Variants in ERBB4 observed in about 807,000 individuals in gnomAD.
ERBB4 encodes the protein receptor tyrosine-protein kinase erbB-4.
In ERBB4, 42 loss-of-function variants were observed where a neutral mutation model predicts 158.0. The ratio of observed to expected loss-of-function variants is 0.27; its 90% confidence interval spans 0.21 to 0.34. ERBB4 has a LOEUF of 0.34. ERBB4 is among the 10% of genes least tolerant of loss of function. The pLI is 1.00. For missense variants in ERBB4, 1,333 were observed against 1,624.1 expected (o/e 0.82, Z 3.08); for synonymous variants, 583 against 558.7 (o/e 1.04, Z -0.61).
Position 211,905,434 on chromosome 2 carries a change from C to T in ERBB4, c.421+41996G>A, listed in dbSNP as rs563562275. The stretch of plus-strand genomic sequence containing the variant: ...CAATTTCATCTGCAACTTTAATTCC[C>T]TTTTGCCATGTAACCTAACACAGGT... On this transcript the variant is annotated intron_variant, in intron 3 of 27. Transcript: ENST00000342788. 6.6e-5 allele frequency among the ~76,000 whole-genome samples: 10 copies of T among 151,570 alleles called. No homozygotes were observed. The East Asian group carries it at 2.0e-3, about 30-fold the overall frequency.
At chr2:211,536,436 T>C (rs1207850436) in intron 20 of ERBB4, among the ~76,000 whole-genome samples, 2 of 151,996 alleles carry the variant, frequency 1.3e-5, no homozygotes, top group Admixed American at 1.3e-4. Context: ...GGCTTCCCAT[T>C]GGGGAAGAGG....
At chr2:212,259,092 G>A (rs976384481) in intron 1 of ERBB4, among the ~76,000 whole-genome samples, 11 of 152,086 alleles carry the variant, frequency 7.2e-5, no homozygotes, top group Admixed American at 6.5e-5. Context: ...AAATTTTTTT[G>A]ACAAAATATT....
chr2:212,417,392 CA>C (rs1404549505), intron 1 of ERBB4, among the ~76,000 whole-genome samples: 1 of 151,842 alleles, frequency 6.6e-6, no homozygotes, highest in African/African-American at 2.4e-5. Context: ...ATTCCTAATC[CA>C]AAAATCTAAA....
chr2:211,623,641 A>G (rs978037797), intron 18 of ERBB4, among the ~76,000 whole-genome samples: 2 of 152,156 alleles, frequency 1.3e-5, no homozygotes, highest in Non-Finnish European at 2.9e-5. Flanking sequence ...AAATTTGCCA[A>G]AAGGAATATG....
chr2:212,076,235 T>G (rs1042847077), intron 2 of ERBB4, among the ~76,000 whole-genome samples: 1 of 151,862 alleles, frequency 6.6e-6, no homozygotes, highest in African/African-American at 2.4e-5. Flanking sequence ...TTTTAAAATA[T>G]TCTATATTTC....
intron 1 of ERBB4, among the ~76,000 whole-genome samples, chr2:212,333,110 C>G (rs941455119): frequency 1.3e-5 from 2 of 152,010 alleles, no homozygotes; most frequent in African/African-American, 4.8e-5. Context: ...CACACATATG[C>G]TTAAATTCAG....
chr2:212,235,875 C>G (rs149269835), intron 1 of ERBB4, among the ~76,000 whole-genome samples: 4 of 152,112 alleles, frequency 2.6e-5, no homozygotes, highest in Non-Finnish European at 5.9e-5. Flanking sequence ...TGGGCTGACA[C>G]GAAGGCGTTT....
chr2:211,620,505 A>G (rs1380561654), intron 18 of ERBB4, among the ~76,000 whole-genome samples: 1 of 152,212 alleles, frequency 6.6e-6, no homozygotes, highest in Non-Finnish European at 1.5e-5. Flanking sequence ...AAACATAGTA[A>G]CAATAATAAA....
chr2:212,195,774 A>G (rs1412166791), intron 1 of ERBB4, among the ~76,000 whole-genome samples: 1 of 152,174 alleles, frequency 6.6e-6, no homozygotes, highest in Non-Finnish European at 1.5e-5. Context: ...CTCATTTCAG[A>G]AATGTTTATG....
chr2:212,441,298 C>T (rs895462384), intron 1 of ERBB4, among the ~76,000 whole-genome samples: 1 of 152,194 alleles, frequency 6.6e-6, no homozygotes, highest in African/African-American at 2.4e-5. Context: ...AGGAGATAAA[C>T]CCTGTGCTGC....
intron 1 of ERBB4, among the ~76,000 whole-genome samples, chr2:212,271,145 T>C (rs191834229): frequency 1.2e-3 from 188 of 151,902 alleles, no homozygotes; most frequent in Non-Finnish European, 2.1e-3. Context: ...ATCTAATGCC[T>C]TTTGATTACA....
At chr2:212,109,171 G>T (rs74315709) in intron 2 of ERBB4, among the ~76,000 whole-genome samples, 8,098 of 152,108 alleles carry the variant, frequency 0.053, 363 homozygotes, top group South Asian at 0.23. Context: ...CTTTAATTTT[G>T]TCTTTTATTT....
intron 2 of ERBB4, among the ~76,000 whole-genome samples, chr2:212,116,254 T>C (rs1031620049): frequency 1.3e-5 from 2 of 151,724 alleles, no homozygotes; most frequent in Non-Finnish European, 2.9e-5. Context: ...TATATTAGAT[T>C]GATAAATACT....
At chr2:211,665,574 G>C in intron 14 of ERBB4, 97 bp from the exon 15 acceptor site, 2 of 1,141,380 alleles carry the variant, frequency 1.8e-6, no homozygotes, top group Non-Finnish European at 2.6e-6. Flanking sequence ...TTCAGTAGGT[G>C]GCAAATCTTC....
intron 20 of ERBB4, among the ~76,000 whole-genome samples, chr2:211,433,497 C>T (rs1038391978): frequency 7.3e-5 from 11 of 151,454 alleles, no homozygotes; most frequent in East Asian, 1.9e-4. Context: ...AGGAGGATGG[C>T]GTGAACCTGG....
intron 20 of ERBB4, among the ~76,000 whole-genome samples, chr2:211,495,392 ACTCTT>A (rs563658070): frequency 2.7e-4 from 41 of 152,100 alleles, no homozygotes; most frequent in African/African-American, 8.4e-4. Flanking sequence ...GTGTAGAATA[ACTCTT>A]CTCTTATGAG....
At chr2:211,952,640 C>A (rs2080904303) in intron 2 of ERBB4, among the ~76,000 whole-genome samples, 1 of 152,058 alleles carries the variant, frequency 6.6e-6, no homozygotes, top group Non-Finnish European at 1.5e-5. Flanking sequence ...GACTCCAAAC[C>A]TAGCCTTTGT....
At chr2:212,216,465 G>C (rs1031857776) in intron 1 of ERBB4, among the ~76,000 whole-genome samples, 14 of 151,260 alleles carry the variant, frequency 9.3e-5, no homozygotes, top group Non-Finnish European at 5.9e-5. Context: ...CTCCCATGTA[G>C]AGAGTGGGTT....
intron 19 of ERBB4, among the ~76,000 whole-genome samples, chr2:211,597,712 G>A (rs559095666): frequency 3.3e-5 from 5 of 151,692 alleles, no homozygotes; most frequent in Non-Finnish European, 7.4e-5. Flanking sequence ...TTATTAAAAT[G>A]GTAAAGAGAC....
Sources: gnomAD v4.1 joint callset for allele counts (sites outside exome capture counted in the v4.1 genomes callset) on GRCh38, gnomAD v4.1.1 for gene constraint, MANE v1.5 for transcripts, NCBI Gene and HGNC (gene_info 2026-07-23, HGNC 2026-07-21) for gene names.